The following VAV3 variants were observed in gnomAD, a reference collection of about 807,000 sequenced individuals.
The protein encoded by VAV3 is vav guanine nucleotide exchange factor 3.
In VAV3, 94 loss-of-function variants were observed where a neutral mutation model predicts 131.2. The ratio of observed to expected loss-of-function variants is 0.72; its 90% CI spans 0.61 to 0.85. The LOEUF (loss-of-function observed/expected upper bound fraction) is 0.85. VAV3 is among the 40% of genes least tolerant of loss of function. The pLI, the probability that VAV3 is intolerant of heterozygous loss-of-function variation, is 0.00. For missense variants in VAV3, 939 were observed against 1,002.7 expected, an observed-to-expected ratio of 0.94 and a Z score of 0.86; for synonymous variants, 349 against 342.0, an observed-to-expected ratio of 1.02 and a Z score of -0.22.
intron 15 of VAV3, among the ~76,000 whole-genome samples, chr1:107,712,110 A>C (rs1005972837): frequency 3.3e-5 from 5 of 152,200 alleles, no homozygotes; most frequent in Non-Finnish European, 7.3e-5. Context: ...GCAAACCAAC[A>C]CACAAACATA....
intron 1 of VAV3, among the ~76,000 whole-genome samples, chr1:107,943,199 T>C (rs1163330446): frequency 1.3e-5 from 2 of 152,218 alleles, no homozygotes; most frequent in South Asian, 2.1e-4. Context: ...TTTTAGTTCA[T>C]ATGTAATAAA....
intron 17 of VAV3, among the ~76,000 whole-genome samples, chr1:107,696,497 T>A (rs980426265): frequency 4.6e-5 from 7 of 152,166 alleles, no homozygotes; most frequent in Admixed American, 2.0e-4. Flanking sequence ...TTATAACAAC[T>A]CCTACTAGTC....
chr1:107,961,612 A>G (rs143185132), intron 1 of VAV3, among the ~76,000 whole-genome samples: 114 of 152,352 alleles, frequency 7.5e-4, no homozygotes, highest in African/African-American at 2.6e-3. Flanking sequence ...ACTAAATATG[A>G]TTAATGTTTA....
intron 25 of VAV3, among the ~76,000 whole-genome samples, chr1:107,582,607 C>T (rs1275639063): frequency 1.4e-5 from 2 of 144,022 alleles, no homozygotes; most frequent in Non-Finnish European, 3.0e-5. Flanking sequence ...GTTCCCCTTC[C>T]TGTGTCCATG....
intron 1 of VAV3, among the ~76,000 whole-genome samples, chr1:107,917,747 T>C (rs935806927): frequency 4.6e-5 from 7 of 152,208 alleles, no homozygotes; most frequent in Non-Finnish European, 8.8e-5. Flanking sequence ...CCAGAAATGT[T>C]TCAAATTTTG....
chr1:107,746,377 C>T (rs563549340), intron 15 of VAV3, among the ~76,000 whole-genome samples: 2 of 152,274 alleles, frequency 1.3e-5, no homozygotes, highest in East Asian at 3.9e-4. Flanking sequence ...AGACATTCAA[C>T]GGAACTCTAA....
chr1:107,605,132 T>C (rs1039218514), intron 22 of VAV3, among the ~76,000 whole-genome samples: 1 of 152,246 alleles, frequency 6.6e-6, no homozygotes, highest in African/African-American at 2.4e-5. Flanking sequence ...TCAAGTTCTC[T>C]GTCTCTATCA....
chr1:107,941,945 G>A (rs577525695), intron 1 of VAV3, among the ~76,000 whole-genome samples: 1 of 152,148 alleles, frequency 6.6e-6, no homozygotes, highest in East Asian at 1.9e-4. Context: ...CAGTCAGGAG[G>A]TGACTCTCAT....
In VAV3 at chr1:107,763,681, C is replaced by T. The variant is rs77959238; in HGVS notation, c.921+1395G>A. ...AAACTACCTCCAGTCTTAAAGTCAA[C>T]ATAATGAAGGAATATTAAGATATAA... On this transcript the variant is annotated intron_variant, in intron 9 of 26. Coordinates refer to ENST00000370056, the MANE Select transcript of VAV3 (RefSeq NM_006113.5). 3.6e-3 allele frequency among the ~76,000 whole-genome samples: 552 copies of T among 152,188 alleles called. 2 individuals are homozygous for T. Among genetic ancestry groups the T allele is most frequent in the Non-Finnish European group, 5.9e-3 (400 of 68,012 alleles).
chr1:107,589,824 G>A (rs367768448), intron 25 of VAV3, among the ~76,000 whole-genome samples: 3 of 152,154 alleles, frequency 2.0e-5, no homozygotes, highest in Non-Finnish European at 4.4e-5. Context: ...GAACCTGTAC[G>A]AAGGAGATAA....
chr1:107,577,722 G>A (rs1410503613), intron 25 of VAV3, among the ~76,000 whole-genome samples: 6 of 152,190 alleles, frequency 3.9e-5, no homozygotes, highest in African/African-American at 1.4e-4. Flanking sequence ...GGTGGAGCAT[G>A]AGCCTGAAAG....
At chr1:107,669,962 T>C (rs1417067365) in intron 19 of VAV3, among the ~76,000 whole-genome samples, 3 of 152,228 alleles carry the variant, frequency 2.0e-5, no homozygotes, top group Non-Finnish European at 4.4e-5. Flanking sequence ...TTCACAACTT[T>C]GCACTTTTCA....
chr1:107,874,259 T>C (rs1670385434), intron 2 of VAV3, among the ~76,000 whole-genome samples: 1 of 152,228 alleles, frequency 6.6e-6, no homozygotes, highest in Non-Finnish European at 1.5e-5. Context: ...ATGATTTGTT[T>C]CACTTATTAT....
intron 2 of VAV3, among the ~76,000 whole-genome samples, chr1:107,850,024 C>T (rs955633893): frequency 2.6e-5 from 4 of 152,164 alleles, no homozygotes; most frequent in Admixed American, 1.3e-4. Context: ...CATGAGATAC[C>T]ATCTCATGCC....
intron 2 of VAV3, among the ~76,000 whole-genome samples, chr1:107,873,123 C>A (rs960904372): frequency 2.6e-5 from 4 of 151,996 alleles, no homozygotes; most frequent in Non-Finnish European, 5.9e-5. Flanking sequence ...TTCAGATCTA[C>A]CACTGCTAAA....
intron 7 of VAV3, among the ~76,000 whole-genome samples, chr1:107,766,796 G>A (rs1449168844): frequency 6.6e-6 from 1 of 151,688 alleles, no homozygotes; most frequent in African/African-American, 2.4e-5. Context: ...GGGAAGGAAA[G>A]GAGAAAAAAG....
intron 1 of VAV3, among the ~76,000 whole-genome samples, chr1:107,916,001 T>C (rs1672601218): frequency 6.6e-6 from 1 of 151,918 alleles, no homozygotes; most frequent in South Asian, 2.1e-4. Flanking sequence ...GAGGGGAGCA[T>C]TTAACTCAGC....
intron 19 of VAV3, among the ~76,000 whole-genome samples, chr1:107,670,285 C>A (rs1253207234): frequency 6.6e-6 from 1 of 152,154 alleles, no homozygotes; most frequent in Non-Finnish European, 1.5e-5. Flanking sequence ...TGTGTTATGA[C>A]CACACAGAGA....
chr1:107,819,477 A>C (rs1667699268), intron 2 of VAV3, among the ~76,000 whole-genome samples: 1 of 151,672 alleles, frequency 6.6e-6, no homozygotes, highest in Non-Finnish European at 1.5e-5. Context: ...GTTCAAGACC[A>C]GCCTGCACAA....
Sources: allele counts gnomAD v4.1 joint callset (sites outside exome capture counted in the v4.1 genomes callset), GRCh38; gene constraint gnomAD v4.1.1; transcripts MANE v1.5; gene names NCBI Gene and HGNC (gene_info 2026-07-23, HGNC 2026-07-21).